The following ZNF143 variants were observed in gnomAD, a reference collection of about 807,000 sequenced individuals.
ZNF143 encodes the protein SPH-binding factor.
In ZNF143, 49 loss-of-function variants were observed where a neutral mutation model predicts 74.1. That is an observed-to-expected ratio of 0.66 (90% confidence interval 0.53 to 0.84). The LOEUF is 0.84. ZNF143 is among the 40% of genes least tolerant of loss of function. The probability of loss-of-function intolerance (pLI) is 0.00; values close to 1 mark genes in which losing one functional copy is unlikely to be tolerated. For missense variants in ZNF143, 637 were observed against 793.4 expected, an observed-to-expected ratio of 0.80 and a Z score of 2.37; for synonymous variants, 304 against 282.8, an observed-to-expected ratio of 1.07 and a Z score of -0.75.
Position 9,464,311 on chromosome 11 carries a change from C to T in ZNF143, c.-8+3235C>T, listed in dbSNP as rs117838167. 1.2e-3 allele frequency among the ~76,000 whole-genome samples: 177 copies of T among 152,054 alleles called. No homozygotes were observed. The East Asian group carries it at 0.015, about 13-fold the overall frequency. ...AATGCCCAGCTAATTTTTAGAAAAACGTTTGTAGGCCAGGCGTGGTGGCTC... is the reference window on the plus strand; with the variant it reads ...AATGCCCAGCTAATTTTTAGAAAAATGTTTGTAGGCCAGGCGTGGTGGCTC... On this transcript the variant is annotated intron_variant, in intron 1 of 15. Coordinates refer to ENST00000396602, the MANE Select transcript of ZNF143 (RefSeq NM_003442.6).
Position 9,478,531 on chromosome 11 carries a change from G to A in ZNF143, c.515G>A (p.Gly172Glu). 6.2e-7 allele frequency: 1 copy of A among 1,614,142 alleles called. No homozygotes were observed. The highest frequency in any genetic ancestry group is 8.5e-7 in the Non-Finnish European group (1 of 1,180,028). ...ADGTVAGLHT[G>E]DATIDPDTIS... ...GGGACAGTGGCAGGTCTGCACACTG[G>A]GGATGCTACAATTGACCCTGACACC... Residue 172 changes from glycine to glutamate, a missense_variant, in exon 6 of 16, where the codon GGG becomes GAG. Physicochemically the swap from Gly to Glu is moderately conservative, Grantham distance 98. Transcript: ENST00000396602.
intron 7 of ZNF143, among the ~76,000 whole-genome samples, chr11:9,480,289 G>C (rs1005948668): frequency 6.6e-6 from 1 of 152,200 alleles, no homozygotes; most frequent in Non-Finnish European, 1.5e-5. Context: ...TTCGTGTGGA[G>C]GGTATGCTTG....
intron 10 of ZNF143, 116 bp downstream of exon 10, chr11:9,497,916 C>T (rs961263565): frequency 2.6e-5 from 20 of 780,202 alleles, no homozygotes; most frequent in South Asian, 1.2e-4. Flanking sequence ...CTGCAAGCTC[C>T]GCCTCCCGGG....
intron 14 of ZNF143, among the ~76,000 whole-genome samples, chr11:9,519,214 TA>T (rs375932210): frequency 1.7e-5 from 2 of 120,238 alleles, no homozygotes; most frequent in South Asian, 2.6e-4. Flanking sequence ...TAGTTTTGCC[TA>T]TTTTTTTTTT....
chr11:9,526,935 C>G (rs1014519966), intron 15 of ZNF143, among the ~76,000 whole-genome samples: 1 of 152,250 alleles, frequency 6.6e-6, no homozygotes, highest in African/African-American at 2.4e-5. Context: ...TGCCATTCTC[C>G]TCCCTCAGCC....
intron 11 of ZNF143, among the ~76,000 whole-genome samples, chr11:9,502,352 G>C (rs1589919161): frequency 7.2e-6 from 1 of 139,736 alleles, no homozygotes; most frequent in Non-Finnish European, 1.5e-5. Context: ...GCTCACGCCT[G>C]TAATCCCAGC....
intron 7 of ZNF143, 32 bp downstream of exon 7, chr11:9,479,578 T>G (rs1018941045): frequency 6.3e-7 from 1 of 1,575,562 alleles, no homozygotes; most frequent in Non-Finnish European, 8.7e-7. Flanking sequence ...TATAAAAATC[T>G]AGCTTAGCAT....
At chr11:9,461,134 C>T (rs1245709819) in intron 1 of ZNF143, 58 bp downstream of exon 1, 13 of 971,964 alleles carry the variant, frequency 1.3e-5, no homozygotes, top group African/African-American at 1.8e-5. Flanking sequence ...GGCCGCCGCC[C>T]TCAGCGCGGC....
intron 14 of ZNF143, among the ~76,000 whole-genome samples, chr11:9,521,561 G>T (rs534488037): frequency 1.5e-4 from 22 of 148,512 alleles, no homozygotes; most frequent in African/African-American, 5.5e-4. Flanking sequence ...TTTTGCGGAG[G>T]TTTTTTTTTG....
intron 3 of ZNF143, among the ~76,000 whole-genome samples, chr11:9,473,260 G>A (rs1463615320): frequency 2.0e-5 from 3 of 151,770 alleles, no homozygotes; most frequent in South Asian, 2.1e-4. Context: ...GCATGGTGGC[G>A]CATGCCTGTA....
At chr11:9,504,163 G>T (rs994069425) in intron 11 of ZNF143, among the ~76,000 whole-genome samples, 1 of 151,870 alleles carries the variant, frequency 6.6e-6, no homozygotes, top group African/African-American at 2.4e-5. Context: ...TTTTCACCAT[G>T]TTGGCCAGGC....
intron 14 of ZNF143, among the ~76,000 whole-genome samples, chr11:9,524,923 A>G (rs376453494): frequency 2.0e-5 from 3 of 152,218 alleles, no homozygotes; most frequent in Non-Finnish European, 4.4e-5. Context: ...GTCCACATAC[A>G]TAACTTCCCA....
Position 9,504,333 on chromosome 11 carries a change from G to A in ZNF143, c.1147+3063G>A, listed in dbSNP as rs1168564992. Among the ~76,000 whole-genome samples, 6 of 125,892 alleles carry A rather than the reference G, an allele frequency of 4.8e-5. 1 individual carries two copies. Among genetic ancestry groups the A allele is most frequent in the African/African-American group, 1.5e-4 (6 of 39,162 alleles). The allele number at this position is 125,892 out of a possible 152,430, so 82.6% of individuals were successfully genotyped here. A position where few individuals can be genotyped will look rare whatever the true frequency, so the allele number is the denominator to read the frequency against. ...AAATGTCTATTCAAATCCTTTGCCCGTTTTTAAAATTGGGTTGTGTCTTTA... is the reference window on the plus strand; with the variant it reads ...AAATGTCTATTCAAATCCTTTGCCCATTTTTAAAATTGGGTTGTGTCTTTA... On this transcript the variant is annotated intron_variant, in intron 11 of 15. Coordinates refer to ENST00000396602, the MANE Select transcript of ZNF143 (RefSeq NM_003442.6).
intron 2 of ZNF143, 29 bp from the exon 3 acceptor site, chr11:9,472,648 T>C: frequency 6.3e-7 from 1 of 1,590,044 alleles, no homozygotes; most frequent in Non-Finnish European, 8.6e-7. Flanking sequence ...GCTAGCTGTC[T>C]AAAGAAAATA....
chr11:9,482,956 A>T (rs1038474875), intron 7 of ZNF143, among the ~76,000 whole-genome samples: 10 of 151,458 alleles, frequency 6.6e-5, no homozygotes, highest in Middle Eastern at 3.4e-3. Flanking sequence ...ATTTTTTTCA[A>T]TTGGTTACTA....
chr11:9,487,526 TTTTTGTA>T (rs1847606918), intron 7 of ZNF143, among the ~76,000 whole-genome samples: 1 of 151,142 alleles, frequency 6.6e-6, no homozygotes, highest in Non-Finnish European at 1.5e-5. Flanking sequence ...CCTGGCTAAT[TTTTTGTA>T]TTTTTAGTAG....
At chr11:9,503,112 T>G (rs554660270) in intron 11 of ZNF143, among the ~76,000 whole-genome samples, 60 of 152,302 alleles carry the variant, frequency 3.9e-4, no homozygotes, top group Admixed American at 2.1e-3. Context: ...ATTACAGACA[T>G]GAGCCACCGC....
At position 9,461,152 on chromosome 11, in the gene ZNF143, G is replaced by T. The variant is rs1007133758; in HGVS notation, c.-8+76G>T. ...CGCCGCCCTCAGCGCGGCGGCGCGG[G>T]CCCGCTTGGGCCCGGGCTCCGGCTC... On this transcript the variant is annotated intron_variant, in intron 1 of 15. Transcript: ENST00000396602. The T allele has an allele frequency of 2.2e-6, 2 of 898,470 alleles. 1 individual carries two copies. The highest frequency in any genetic ancestry group is 1.0e-4 in the South Asian group (2 of 19,610). 55.7% of individuals were successfully genotyped at this position (898,470 alleles called of 1,614,324 possible).
chr11:9,526,535 GCT>G (rs1010619206), intron 15 of ZNF143, among the ~76,000 whole-genome samples: 1 of 151,834 alleles, frequency 6.6e-6, no homozygotes, highest in Non-Finnish European at 1.5e-5. Flanking sequence ...GGCTCAAGAA[GCT>G]CTCTTTTGTT....
Sources: gnomAD v4.1 joint callset for allele counts (sites outside exome capture counted in the v4.1 genomes callset) on GRCh38, gnomAD v4.1.1 for gene constraint, MANE v1.5 for transcripts, NCBI Gene and HGNC (gene_info 2026-07-23, HGNC 2026-07-21) for gene names.